UMAD1: variants seen among roughly 807,000 people sequenced by gnomAD.
The protein encoded by UMAD1 is UBAP1-MVB12-associated (UMA) domain containing 1, also known as UBAP1-MVB12-associated (UMA)-domain containing protein 1.
UMAD1 carries 8 observed loss-of-function variants against 6.1 expected under a neutral mutation model. The ratio of observed to expected loss-of-function variants is 1.30; its 90% CI spans 0.76 to 2.35. UMAD1 has a LOEUF of 2.35. UMAD1 is among the 30% of genes most tolerant of loss of function. UMAD1 has a pLI of 0.00. For missense variants in UMAD1, 130 were observed against 78.4 expected, an observed-to-expected ratio of 1.66 and a Z score of -2.49; for synonymous variants, 56 against 31.4, an observed-to-expected ratio of 1.78 and a Z score of -2.61.
intron 3 of UMAD1, among the ~76,000 whole-genome samples, chr7:7,874,847 C>T (rs1268568588): frequency 6.6e-6 from 1 of 152,142 alleles, no homozygotes; most frequent in Non-Finnish European, 1.5e-5. Context: ...AGGAGGGCTT[C>T]TGGGGGCTGG....
intron 2 of UMAD1, among the ~76,000 whole-genome samples, chr7:7,691,947 A>G (rs751676479): frequency 6.6e-6 from 1 of 152,178 alleles, no homozygotes; most frequent in African/African-American, 2.4e-5. Flanking sequence ...GGAAGGAAAA[A>G]TTTTATAACT....
At chr7:7,680,769 T>TA (rs1297162941) in intron 2 of UMAD1, among the ~76,000 whole-genome samples, 2 of 152,152 alleles carry the variant, frequency 1.3e-5, no homozygotes, top group Non-Finnish European at 2.9e-5. Flanking sequence ...ACTTTGGTTA[T>TA]ATTTATTCCT....
chr7:7,694,226 A>G (rs1780250677), intron 2 of UMAD1, among the ~76,000 whole-genome samples: 2 of 152,046 alleles, frequency 1.3e-5, no homozygotes, highest in African/African-American at 2.4e-5. Flanking sequence ...ACTTATTGGT[A>G]ACTTTTTATT....
chr7:7,672,853 T>A (rs1779640981), intron 1 of UMAD1, among the ~76,000 whole-genome samples: 1 of 152,134 alleles, frequency 6.6e-6, no homozygotes, highest in Admixed American at 6.5e-5. Context: ...TAACCATCAG[T>A]AGGGGATGTT....
chr7:7,748,786 ATTCTT>A (rs1418585243), intron 2 of UMAD1, among the ~76,000 whole-genome samples: 7 of 151,842 alleles, frequency 4.6e-5, no homozygotes, highest in East Asian at 1.9e-4. Flanking sequence ...AATTTAAAAA[ATTCTT>A]TTATTTTTAG....
intron 2 of UMAD1, among the ~76,000 whole-genome samples, chr7:7,794,347 C>G (rs1264297688): frequency 6.6e-6 from 1 of 152,092 alleles, no homozygotes; most frequent in Non-Finnish European, 1.5e-5. Context: ...AAACTCTCAT[C>G]TTTATTGCCT....
intron 2 of UMAD1, among the ~76,000 whole-genome samples, chr7:7,743,242 G>A (rs949681708): frequency 9.9e-5 from 15 of 152,136 alleles, no homozygotes; most frequent in African/African-American, 2.2e-4. Context: ...GGGATAAAAT[G>A]TAGTGTGAAT....
At chr7:7,698,363 A>G (rs1583749376) in intron 2 of UMAD1, among the ~76,000 whole-genome samples, 2 of 152,274 alleles carry the variant, frequency 1.3e-5, no homozygotes, top group South Asian at 2.1e-4. Context: ...TTCCTGCTGC[A>G]TCTCTGCCAT....
chr7:7,769,640 G>A (rs781640094), intron 2 of UMAD1, among the ~76,000 whole-genome samples: 11 of 152,112 alleles, frequency 7.2e-5, no homozygotes, highest in Non-Finnish European at 1.2e-4. Context: ...TTGGAGTGAA[G>A]GAAGACAGAG....
intron 2 of UMAD1, among the ~76,000 whole-genome samples, chr7:7,710,879 T>C (rs1780741382): frequency 6.6e-6 from 1 of 152,200 alleles, no homozygotes; most frequent in Admixed American, 6.6e-5. Context: ...ACTGTTGATA[T>C]ATACAACAAC....
chr7:7,708,938 TGAGA>T (rs1004800208), intron 2 of UMAD1, among the ~76,000 whole-genome samples: 107 of 150,662 alleles, frequency 7.1e-4, no homozygotes, highest in African/African-American at 1.8e-3. Flanking sequence ...TGTGTGTGTG[TGAGA>T]GAGAGAGAGG....
intron 3 of UMAD1, among the ~76,000 whole-genome samples, chr7:7,822,487 G>A (rs1427798641): frequency 3.3e-5 from 5 of 151,978 alleles, no homozygotes; most frequent in South Asian, 2.1e-4. Context: ...ATGAGAGAGC[G>A]CTTTTTAAAT....
intron 3 of UMAD1, among the ~76,000 whole-genome samples, chr7:7,815,382 C>T (rs1048702740): frequency 3.3e-5 from 5 of 151,720 alleles, no homozygotes; most frequent in Non-Finnish European, 7.4e-5. Context: ...ATGGTTAATG[C>T]CTTAAAAATC....
intron 2 of UMAD1, among the ~76,000 whole-genome samples, chr7:7,795,844 G>A (rs1782665876): frequency 6.6e-6 from 1 of 152,130 alleles, no homozygotes; most frequent in African/African-American, 2.4e-5. Flanking sequence ...TTTGGTTTTG[G>A]CTTCCTTCTT....
chr7:7,810,999 C>T (rs944064783), intron 3 of UMAD1, among the ~76,000 whole-genome samples: 2 of 152,134 alleles, frequency 1.3e-5, no homozygotes, highest in Non-Finnish European at 2.9e-5. Context: ...CTTCCTATCT[C>T]TTTGGAAATC....
intron 1 of UMAD1, among the ~76,000 whole-genome samples, chr7:7,650,727 C>T (rs1168360546): frequency 2.0e-5 from 3 of 152,372 alleles, no homozygotes; most frequent in South Asian, 4.1e-4. Flanking sequence ...AGCCATTCTG[C>T]ATCCTGAACC....
intron 2 of UMAD1, among the ~76,000 whole-genome samples, chr7:7,773,582 C>G (rs1157135412): frequency 6.6e-6 from 1 of 152,074 alleles, no homozygotes; most frequent in African/African-American, 2.4e-5. Flanking sequence ...ATAACAAAAC[C>G]AAACAGGAAC....
At chr7:7,662,387 C>T (rs981611629) in intron 1 of UMAD1, among the ~76,000 whole-genome samples, 14 of 152,238 alleles carry the variant, frequency 9.2e-5, no homozygotes, top group African/African-American at 2.4e-4. Flanking sequence ...GCAGCTAGCT[C>T]GATGTCTGCC....
chr7:7,746,977 G>GTGTC (rs1554323177), intron 2 of UMAD1, among the ~76,000 whole-genome samples: 1 of 151,702 alleles, frequency 6.6e-6, no homozygotes, highest in Non-Finnish European at 1.5e-5. Context: ...GTGTGTGTGT[G>GTGTC]TGTGTGTGTG....
Sources: gnomAD v4.1 joint callset for allele counts (sites outside exome capture counted in the v4.1 genomes callset) on GRCh38, gnomAD v4.1.1 for gene constraint, MANE v1.5 for transcripts, NCBI Gene and HGNC (gene_info 2026-07-23, HGNC 2026-07-21) for gene names.